CTNND2: variants seen among roughly 807,000 people sequenced by gnomAD.
CTNND2 encodes the protein catenin delta-2.
A neutral mutation model predicts 144.4 loss-of-function variants in CTNND2; 22 were observed. That is an observed-to-expected ratio of 0.15 (90% confidence interval 0.11 to 0.22). The LOEUF (loss-of-function observed/expected upper bound fraction) is 0.22, where lower values mean the gene tolerates loss of function less well. Among genes scored for constraint, CTNND2 ranks in the 10% least tolerant of loss-of-function variants. The pLI, the probability that CTNND2 is intolerant of heterozygous loss-of-function variation, is 1.00. For missense variants in CTNND2, 1,353 were observed against 1,618.8 expected, an observed-to-expected ratio of 0.84 and a Z score of 2.82; for synonymous variants, 751 against 695.6, an observed-to-expected ratio of 1.08 and a Z score of -1.25.
At chr5:11,461,627 G>A (rs1766233208) in intron 3 of CTNND2, among the ~76,000 whole-genome samples, 1 of 152,130 alleles carries the variant, frequency 6.6e-6, no homozygotes, top group African/African-American at 2.4e-5. Flanking sequence ...TGAGCATGTT[G>A]TAGCTCGAAT....
At chr5:11,409,282 T>C (rs1475477976) in intron 5 of CTNND2, among the ~76,000 whole-genome samples, 1 of 152,064 alleles carries the variant, frequency 6.6e-6, no homozygotes, top group African/African-American at 2.4e-5. Context: ...TCCAAGAATA[T>C]GGCCCTCCAT....
intron 3 of CTNND2, among the ~76,000 whole-genome samples, chr5:11,456,771 G>A (rs947847130): frequency 6.6e-6 from 1 of 152,076 alleles, no homozygotes; most frequent in Non-Finnish European, 1.5e-5. Flanking sequence ...ATTGAATGCT[G>A]CTAAGTATAA....
chr5:10,980,360 A>G (rs1262683022), intron 21 of CTNND2, among the ~76,000 whole-genome samples: 5 of 152,228 alleles, frequency 3.3e-5, no homozygotes, highest in African/African-American at 1.2e-4. Context: ...ACCATCTCAC[A>G]CCAGTCAGAA....
chr5:11,307,477 CAG>C (rs1236590837), intron 9 of CTNND2, among the ~76,000 whole-genome samples: 1 of 152,102 alleles, frequency 6.6e-6, no homozygotes, highest in Non-Finnish European at 1.5e-5. Context: ...AAAAATATGA[CAG>C]GGGCCAAGGG....
chr5:11,317,925 A>C (rs142451933), intron 9 of CTNND2, among the ~76,000 whole-genome samples: 42 of 152,266 alleles, frequency 2.8e-4, no homozygotes, highest in African/African-American at 9.4e-4. Context: ...CACGGTACTA[A>C]AATAGTATCT....
At chr5:11,357,720 T>C (rs531056460) in intron 8 of CTNND2, among the ~76,000 whole-genome samples, 3 of 152,242 alleles carry the variant, frequency 2.0e-5, no homozygotes, top group East Asian at 3.9e-4. Flanking sequence ...CAAACGCATG[T>C]GGTGATGGAT....
At chr5:11,622,467 T>A (rs1780896361) in intron 2 of CTNND2, among the ~76,000 whole-genome samples, 1 of 151,892 alleles carries the variant, frequency 6.6e-6, no homozygotes, top group African/African-American at 2.4e-5. Context: ...GCTGTAAGAG[T>A]TCTTATCAGA....
chr5:11,364,654 C>A (rs113160574), intron 8 of CTNND2, 42 bp downstream of exon 8: 21 of 1,530,434 alleles, frequency 1.4e-5, no homozygotes, highest in Middle Eastern at 2.3e-4. Flanking sequence ...GCAGAGCCCA[C>A]CCCCTGTGGA....
At chr5:11,216,944 A>T (rs138126624) in intron 10 of CTNND2, among the ~76,000 whole-genome samples, 2 of 152,286 alleles carry the variant, frequency 1.3e-5, no homozygotes, top group East Asian at 3.9e-4. Flanking sequence ...GGAGGTGCCT[A>T]CTGAAGGAGG....
At chr5:11,495,502 G>A (rs1007136651) in intron 3 of CTNND2, among the ~76,000 whole-genome samples, 4 of 152,136 alleles carry the variant, frequency 2.6e-5, no homozygotes, top group Non-Finnish European at 5.9e-5. Flanking sequence ...AAGGACTCAA[G>A]TCAACTGAGA....
intron 2 of CTNND2, among the ~76,000 whole-genome samples, chr5:11,646,477 G>C (rs1044960990): frequency 2.6e-5 from 4 of 152,254 alleles, no homozygotes; most frequent in Admixed American, 2.0e-4. Context: ...GGATGTGCCA[G>C]TGTACTCTTG....
At chr5:11,688,802 CAGCGAGCTGA>C (rs1374135130) in intron 2 of CTNND2, among the ~76,000 whole-genome samples, 10 of 152,222 alleles carry the variant, frequency 6.6e-5, no homozygotes, top group African/African-American at 2.2e-4. Context: ...GGCTGCAGCA[CAGCGAGCTGA>C]AGCAAGGCAG....
At chr5:11,589,245 G>T (rs1354526093) in intron 2 of CTNND2, among the ~76,000 whole-genome samples, 1 of 150,140 alleles carries the variant, frequency 6.7e-6, no homozygotes, top group Non-Finnish European at 1.5e-5. Context: ...TGCTTTGAAT[G>T]TATCTGGATT....
intron 11 of CTNND2, among the ~76,000 whole-genome samples, chr5:11,169,703 A>G (rs1433092201): frequency 1.3e-5 from 2 of 152,160 alleles, no homozygotes; most frequent in Admixed American, 1.3e-4. Flanking sequence ...TAGCACATCT[A>G]CCTCATAGGT....
At chr5:11,599,612 G>C (rs2126319440) in intron 2 of CTNND2, among the ~76,000 whole-genome samples, 1 of 152,244 alleles carries the variant, frequency 6.6e-6, no homozygotes, top group Admixed American at 6.5e-5. Context: ...GCTTTTGCTA[G>C]TTCTTAAAAT....
chr5:11,089,161 T>G (rs539643539), intron 15 of CTNND2, among the ~76,000 whole-genome samples: 3 of 152,228 alleles, frequency 2.0e-5, no homozygotes, highest in Non-Finnish European at 4.4e-5. Context: ...ACTTCTGCCT[T>G]AACCTGCTCT....
intron 1 of CTNND2, among the ~76,000 whole-genome samples, chr5:11,813,673 T>C (rs1436470302): frequency 2.0e-5 from 3 of 152,194 alleles, no homozygotes; most frequent in East Asian, 3.9e-4. Flanking sequence ...TATCTATTTA[T>C]GTATTTATTT....
chr5:11,071,559 T>C (rs886580004), intron 16 of CTNND2, among the ~76,000 whole-genome samples: 1 of 140,170 alleles, frequency 7.1e-6, no homozygotes, highest in African/African-American at 2.6e-5. Flanking sequence ...TCAAAAATTT[T>C]TTTTTCAAAA....
intron 2 of CTNND2, among the ~76,000 whole-genome samples, chr5:11,664,966 G>A (rs975225881): frequency 2.6e-5 from 4 of 152,044 alleles, no homozygotes; most frequent in African/African-American, 9.7e-5. Flanking sequence ...ATGCCTCCCC[G>A]GAATGAAAAT....
Sources: gnomAD v4.1 joint callset for allele counts (sites outside exome capture counted in the v4.1 genomes callset) on GRCh38, gnomAD v4.1.1 for gene constraint, MANE v1.5 for transcripts, NCBI Gene and HGNC (gene_info 2026-07-23, HGNC 2026-07-21) for gene names.